Variants in TOE1 observed in about 807,000 individuals in gnomAD.
TOE1 encodes target of EGR1 protein 1.
A neutral mutation model predicts 49.2 loss-of-function variants in TOE1; 50 were observed. That is an observed-to-expected ratio of 1.02 (90% CI 0.81 to 1.29). TOE1 has a LOEUF of 1.29. Ranked by LOEUF, TOE1 falls within the 50% of genes most tolerant of loss-of-function variation. The pLI is 0.00. For synonymous variants in TOE1, 221 were observed against 247.0 expected, an observed-to-expected ratio of 0.89 and a Z score of 0.99; for missense variants, 544 against 654.4, an observed-to-expected ratio of 0.83 and a Z score of 1.84.
chr1:45,343,060 TAAGCCTCTTTCC>T lies in TOE1; in HGVS notation c.913-21_913-10del. The T allele has an allele frequency of 6.2e-7, 1 of 1,613,476 alleles. No individual in the cohort carries two copies. Among genetic ancestry groups the T allele is most frequent in the Non-Finnish European group, 8.5e-7 (1 of 1,179,642 alleles). On this transcript the variant is annotated splice_polypyrimidine_tract_variant and intron_variant, in intron 7 of 7. Transcript: ENST00000372090. This position sits in a 1 kb window ranked among gnomAD's most constrained non-coding sequence, Gnocchi z 4.3. ...GGTTCTGATGCCTGGAGCCTCTTTC[TAAGCCTCTTTCC>T]CACCCCTAGGCTTATGGCTGGTGCC...
rs1261690303 is a variant in TOE1, at chr1:45,343,358, C to T, written c.1189C>T (p.Gln397Ter). 1 of 1,613,982 alleles carries T rather than the reference C, an allele frequency of 6.2e-7. No individual in the cohort carries two copies. Among genetic ancestry groups the T allele is most frequent in the South Asian group, 1.1e-5 (1 of 91,076 alleles). ...DETRNLPHSK[Q>*]GNKNDLEMGI... ...AACTAGGAACCTGCCTCACTCCAAG[C>T]AAGGCAACAAAAATGACTTAGAGAT... The change falls in exon 8 of 8, where the codon CAA (glutamine) becomes TAA (stop). Residue 397 changes from glutamine to a stop codon, truncating the protein, a stop_gained. Coordinates refer to ENST00000372090, the MANE Select transcript of TOE1 (RefSeq NM_025077.4). LOFTEE classifies it high-confidence loss of function. The surrounding 1 kb of genome is among the most constrained non-coding windows in gnomAD (Gnocchi z 4.3).
Position 45,343,859 on chromosome 1 carries a change from G to C in TOE1, c.*157G>C. The stretch of plus-strand genomic sequence containing the variant: ...CCGCCTCCTTTATCCCAGTGTTTGA[G>C]GTACAAGTAAGAAGGCTGACCAGCA... On this transcript the variant is annotated 3_prime_UTR_variant, in exon 8 of 8. Transcript: ENST00000372090. This position sits in a 1 kb window ranked among gnomAD's most constrained non-coding sequence, Gnocchi z 4.3. 1 of 808,452 alleles carries C rather than the reference G, an allele frequency of 1.2e-6. No individual in the cohort carries two copies. Among genetic ancestry groups the C allele is most frequent in the Non-Finnish European group, 1.9e-6 (1 of 521,052 alleles). 50.1% of individuals were successfully genotyped at this position (808,452 alleles called of 1,614,324 possible). A position where few individuals can be genotyped will look rare whatever the true frequency, so the allele number is the denominator to read the frequency against.
In TOE1 at chr1:45,340,316, C is replaced by G; in HGVS notation, c.52+12C>G. The G allele has an allele frequency of 6.2e-7, 1 of 1,610,786 alleles. No homozygotes were observed. Among genetic ancestry groups the G allele is most frequent in the Non-Finnish European group, 8.5e-7 (1 of 1,178,866 alleles). On this transcript the variant is annotated intron_variant, in intron 1 of 7. Coordinates refer to ENST00000372090, the MANE Select transcript of TOE1 (RefSeq NM_025077.4). ...CGCAGCTTCCGACGGTGAGCGGCTT[C>G]CCAGAGGTAGCCTTCAAAGCCTCTG...
At chr1:45,341,813 G>A (rs182989414) in intron 4 of TOE1, 136 bp from the exon 5 acceptor site, 26 of 951,756 alleles carry the variant, frequency 2.7e-5, no homozygotes, top group African/African-American at 2.1e-4. Flanking sequence ...TGCCCAATGC[G>A]TAGTCTTTTA....
intron 1 of TOE1, 126 bp downstream of exon 1, chr1:45,340,430 G>C: frequency 6.6e-7 from 1 of 1,522,558 alleles, no homozygotes; most frequent in East Asian, 2.5e-5. Flanking sequence ...AACTAGCCAC[G>C]AGGAGACTAC....
chr1:45,342,267 G>T, intron 5 of TOE1, 117 bp from the exon 6 acceptor site: 1 of 1,513,054 alleles, frequency 6.6e-7, no homozygotes, highest in Non-Finnish European at 9.0e-7. Flanking sequence ...AGGGTGGGCA[G>T]CATTGGGTAA....
At position 45,343,490 on chromosome 1, in the gene TOE1, G is replaced by A. The variant is rs1418230263; in HGVS notation, c.1321G>A (p.Gly441Ser). ...PVPGDGLHRAGFDAFMTGYVM... is the reference protein window; with the variant it reads ...PVPGDGLHRASFDAFMTGYVM... ...GCCTGGGGATGGATTGCACCGGGCT[G>A]GTTTTGATGCCTTTATGACAGGTTA... The change falls in exon 8 of 8, where the codon GGT becomes AGT. Residue 441 changes from glycine to serine, a missense_variant. Transcript: ENST00000372090. This position sits in a 1 kb window ranked among gnomAD's most constrained non-coding sequence, Gnocchi z 4.3. 2 of 1,614,216 alleles carry A rather than the reference G, an allele frequency of 1.2e-6. No individual in the cohort carries two copies. Among genetic ancestry groups the A allele is most frequent in the South Asian group, 1.1e-5 (1 of 91,086 alleles).
intron 6 of TOE1, 65 bp from the exon 7 acceptor site, chr1:45,342,778 C>T: frequency 1.2e-6 from 2 of 1,608,412 alleles, no homozygotes; most frequent in Non-Finnish European, 8.5e-7. Flanking sequence ...ACAAAACAGA[C>T]CACAAAACCC....
rs779707076 is a variant in TOE1, at chr1:45,343,080, A to G, written c.913-2A>G. The G allele has an allele frequency of 9.3e-6, 15 of 1,613,414 alleles. No homozygotes were observed. The highest frequency in any genetic ancestry group is 1.3e-5 in the Non-Finnish European group (15 of 1,179,686). On this transcript the variant is annotated splice_acceptor_variant, in intron 7 of 7. Transcript: ENST00000372090. LOFTEE classifies it high-confidence loss of function. This position sits in a 1 kb window ranked among gnomAD's most constrained non-coding sequence, Gnocchi z 4.3. ...CTTTCTAAGCCTCTTTCCCACCCCTAGGCTTATGGCTGGTGCCCCCTGGGA... is the reference window on the plus strand; with the variant it reads ...CTTTCTAAGCCTCTTTCCCACCCCTGGGCTTATGGCTGGTGCCCCCTGGGA...
At chr1:45,342,767 A>T (rs746986590) in intron 6 of TOE1, 76 bp from the exon 7 acceptor site, 2 of 1,606,272 alleles carry the variant, frequency 1.2e-6, no homozygotes. Context: ...TTCAGCAGTG[A>T]ACAAAACAGA....
chr1:45,340,243 G>C lies in TOE1; in HGVS notation c.-10G>C. 1 of 1,613,818 alleles carries C rather than the reference G, an allele frequency of 6.2e-7. No homozygotes were observed. On this transcript the variant is annotated 5_prime_UTR_variant, in exon 1 of 8. Transcript: ENST00000372090. ...CCCACAGACGACTCAGGCGGGAGAC[G>C]AGCGGTGTCATGGCCGCCGACAGTG...
chr1:45,340,985 T>G (rs1333086493), intron 1 of TOE1, 88 bp from the exon 2 acceptor site: 1 of 1,580,636 alleles, frequency 6.3e-7, no homozygotes, highest in Admixed American at 1.7e-5. Flanking sequence ...ACTACCCCCC[T>G]TACCACCATC....
chr1:45,341,956 AT>A lies in TOE1; in HGVS notation c.343del (p.Ser115ProfsTer19), dbSNP rs2149258733. ...GACTTCTCTTTCTCCCAGGGTGAAC[AT>A]TCCTATCTGGCTCAAGTGTTCAATC... ...CFKRQPDKGE[H>X]SYLAQVFNLT... On this transcript the variant is annotated frameshift_variant, in exon 5 of 8. Coordinates refer to ENST00000372090, the MANE Select transcript of TOE1 (RefSeq NM_025077.4). LOFTEE classifies it high-confidence loss of function. 1 of 1,613,816 alleles carries A rather than the reference AT, an allele frequency of 6.2e-7. No homozygotes were observed. The highest frequency in any genetic ancestry group is 8.5e-7 in the Non-Finnish European group (1 of 1,179,798).
At chr1:45,341,646 G>C in intron 4 of TOE1, 77 bp downstream of exon 4, 1 of 1,319,578 alleles carries the variant, frequency 7.6e-7, no homozygotes, top group Non-Finnish European at 1.0e-6. Context: ...ACATCAGATA[G>C]GAAGCATTTC....
chr1:45,340,983 C>A, intron 1 of TOE1, 90 bp from the exon 2 acceptor site: 2 of 1,573,646 alleles, frequency 1.3e-6, no homozygotes, highest in East Asian at 4.5e-5. Context: ...AAACTACCCC[C>A]CTTACCACCA....
At position 45,341,969 on chromosome 1, in the gene TOE1, T is replaced by C. The variant is rs145706522; in HGVS notation, c.354T>C (p.Ala118=). Reference sequence around the variant, plus strand: ...CCCAGGGTGAACATTCCTATCTGGCTCAAGTGTTCAATCTCACTCTGCTGT... The same window carrying C: ...CCCAGGGTGAACATTCCTATCTGGCCCAAGTGTTCAATCTCACTCTGCTGT... ...QPDKGEHSYL[A]QVFNLTLLCM... Residue 118 remains alanine, a synonymous_variant, in exon 5 of 8, where the codon GCT becomes GCC. Coordinates refer to ENST00000372090, the MANE Select transcript of TOE1 (RefSeq NM_025077.4). 4.7e-4 allele frequency: 751 copies of C among 1,613,996 alleles called. 1 individual carries two copies. The highest frequency in any genetic ancestry group is 6.1e-4 in the Non-Finnish European group (714 of 1,179,888).
At chr1:45,341,440 C>T (rs1570609639) in intron 3 of TOE1, 33 bp from the exon 4 acceptor site, 1 of 1,613,888 alleles carries the variant, frequency 6.2e-7, no homozygotes, top group Non-Finnish European at 8.5e-7. Flanking sequence ...AGGCTAACTC[C>T]TAGCCACAGC....
chr1:45,342,000 G>C lies in TOE1; in HGVS notation c.385G>C (p.Glu129Gln), dbSNP rs1230998945. The change falls in exon 5 of 8, where the codon GAG becomes CAG. Residue 129 changes from glutamate (E) to glutamine (Q), a missense_variant. Physicochemically the swap from Glu to Gln is conservative, Grantham distance 29. Transcript: ENST00000372090. ...GTTCAATCTCACTCTGCTGTGCATGGAGGAGTATGTCATAGAACCAAAGTC... is the reference window on the plus strand; with the variant it reads ...GTTCAATCTCACTCTGCTGTGCATGCAGGAGTATGTCATAGAACCAAAGTC... ...QVFNLTLLCM[E>Q]EYVIEPKSVQ... 2.5e-6 allele frequency: 4 copies of C among 1,614,060 alleles called. No homozygotes were observed.
Position 45,340,312 on chromosome 1 carries a change from GC to G in TOE1, c.52+9del. The G allele has an allele frequency of 3.1e-6, 5 of 1,611,454 alleles. No individual in the cohort carries two copies. The highest frequency in any genetic ancestry group is 4.2e-6 in the Non-Finnish European group (5 of 1,179,186). ...CTCCCGCAGCTTCCGACGGTGAGCGGCTTCCCAGAGGTAGCCTTCAAAGCCT... is the reference window on the plus strand; with the variant it reads ...CTCCCGCAGCTTCCGACGGTGAGCGGTTCCCAGAGGTAGCCTTCAAAGCCT... On this transcript the variant is annotated intron_variant, in intron 1 of 7. Coordinates refer to ENST00000372090, the MANE Select transcript of TOE1 (RefSeq NM_025077.4).
Sources: gnomAD v4.1 joint callset for allele counts on GRCh38, gnomAD v4.1.1 for gene constraint, Gnocchi (gnomAD v3.1) non-coding constraint, MANE v1.5 for transcripts, NCBI Gene and HGNC (gene_info 2026-07-23, HGNC 2026-07-21) for gene names.